Variants in AFF2 observed in about 807,000 individuals in gnomAD.
AFF2 encodes the protein AF4/FMR2 family member 2.
AFF2 carries 14 observed loss-of-function variants against 76.9 expected under a neutral mutation model. The observed-to-expected ratio is 0.18, with a 90% confidence interval of 0.12 to 0.28. The LOEUF is 0.28. AFF2 is among the 10% of genes least tolerant of loss of function. AFF2 has a pLI of 1.00. For synonymous variants in AFF2, 398 were observed against 366.7 expected (o/e 1.09, Z -0.98); for missense variants, 868 against 1,001.1 (o/e 0.87, Z 1.79).
At chrX:148,958,269 G>A (rs1179403908) in intron 11 of AFF2, 68 bp from the exon 12 acceptor site, 1 of 1,165,748 alleles carries the variant, frequency 8.6e-7, no homozygotes, top group Non-Finnish European at 1.2e-6. Context: ...CATTTTTAGT[G>A]TATAAAATAT....
At chrX:148,831,847 G>T (rs868922093) in intron 4 of AFF2, among the ~76,000 whole-genome samples, 1 of 111,458 alleles carries the variant, frequency 9.0e-6, no homozygotes, top group Middle Eastern at 4.6e-3. Flanking sequence ...GGATACAAAG[G>T]GTCTAAATCA....
intron 1 of AFF2, chrX:148,546,823 A>G (rs1557238222): frequency 1.8e-5 from 2 of 111,709 alleles, no homozygotes; most frequent in African/African-American, 6.5e-5. Flanking sequence ...TTTTTGTAGT[A>G]TTGGGTTTAG....
At chrX:148,799,613 T>C (rs1293015392) in intron 3 of AFF2, among the ~76,000 whole-genome samples, 2 of 112,369 alleles carry the variant, frequency 1.8e-5, no homozygotes, top group African/African-American at 3.2e-5. Flanking sequence ...TAATTGGTTT[T>C]ACAGTATTTG....
chrX:148,683,945 C>T (rs782746227), intron 3 of AFF2, among the ~76,000 whole-genome samples: 1 of 111,707 alleles, frequency 9.0e-6, no homozygotes, highest in Non-Finnish European at 1.9e-5. Context: ...CAGAAAGTTA[C>T]TTTCTGTGGA....
chrX:148,717,291 T>C (rs1557263445), intron 3 of AFF2, among the ~76,000 whole-genome samples: 1 of 112,090 alleles, frequency 8.9e-6, no homozygotes. Flanking sequence ...AACATTAGGC[T>C]AACTGAAAGA....
chrX:148,756,885 A>G (rs1304999007), intron 3 of AFF2, among the ~76,000 whole-genome samples: 1 of 112,426 alleles, frequency 8.9e-6, no homozygotes, highest in Non-Finnish European at 1.9e-5. Context: ...TCAAGTCATT[A>G]CATTTGACCT....
intron 3 of AFF2, among the ~76,000 whole-genome samples, chrX:148,785,286 T>G (rs1292103554): frequency 1.8e-5 from 2 of 112,146 alleles, no homozygotes; most frequent in African/African-American, 3.2e-5. Flanking sequence ...GAATCAAGTT[T>G]ATCTGTACCC....
At chrX:148,960,482 C>T (rs782697114) in intron 12 of AFF2, among the ~76,000 whole-genome samples, 9 of 112,210 alleles carry the variant, frequency 8.0e-5, no homozygotes, top group South Asian at 3.7e-4. Context: ...TAGCCTTTAT[C>T]GTTCAGAAAG....
chrX:148,917,596 G>C (rs1314868138), intron 9 of AFF2, among the ~76,000 whole-genome samples: 3 of 111,650 alleles, frequency 2.7e-5, no homozygotes, highest in Non-Finnish European at 5.6e-5. Flanking sequence ...ATACTCCACT[G>C]TCACAGGACT....
intron 9 of AFF2, among the ~76,000 whole-genome samples, chrX:148,927,028 G>GT (rs1174484510): frequency 8.9e-6 from 1 of 112,203 alleles, no homozygotes; most frequent in African/African-American, 3.2e-5. Flanking sequence ...TGTGTTTGAG[G>GT]TTTTTTATGA....
intron 3 of AFF2, among the ~76,000 whole-genome samples, chrX:148,799,244 C>G (rs782426006): frequency 2.7e-5 from 3 of 111,678 alleles, no homozygotes; most frequent in Non-Finnish European, 5.6e-5. Context: ...GTAACAAAGC[C>G]AGGTCACTTA....
chrX:148,850,704 C>A (rs895497806), intron 7 of AFF2, among the ~76,000 whole-genome samples: 1 of 112,682 alleles, frequency 8.9e-6, no homozygotes, highest in East Asian at 2.8e-4. Context: ...TTTTAACACA[C>A]TTTCACACAA....
At chrX:148,724,309 A>C (rs1463814217) in intron 3 of AFF2, among the ~76,000 whole-genome samples, 2 of 110,889 alleles carry the variant, frequency 1.8e-5, no homozygotes, top group African/African-American at 6.5e-5. Context: ...ACTCAGGTAC[A>C]TGTTTGGAGT....
At chrX:148,831,720 C>T (rs1460442555) in intron 4 of AFF2, among the ~76,000 whole-genome samples, 4 of 112,176 alleles carry the variant, frequency 3.6e-5, no homozygotes, top group African/African-American at 1.3e-4. Context: ...GAACCCTAGC[C>T]CCAGGGCAGC....
intron 7 of AFF2, among the ~76,000 whole-genome samples, chrX:148,873,175 T>C (rs1435190938): frequency 1.8e-5 from 2 of 111,274 alleles, no homozygotes; most frequent in Non-Finnish European, 3.8e-5. Context: ...GGTTTGGAAA[T>C]TCCAAAGTCA....
In AFF2 at chrX:148,956,375, C is replaced by T; in HGVS notation, c.2330C>T (p.Thr777Ile). The change falls in exon 11 of 21, where the codon ACA becomes ATA. Residue 777 changes from threonine to isoleucine, a missense_variant. This residue lies in a region of AFF2 where 532 missense variants were observed against 564.2 expected (regional missense o/e 0.94). Transcript: ENST00000370460. ...TTATCCATCAGTAATGAAGAGCCAACATTTTCACCTATTCCTGTCATGCAA... is the reference window on the plus strand; with the variant it reads ...TTATCCATCAGTAATGAAGAGCCAATATTTTCACCTATTCCTGTCATGCAA... Reference protein sequence around the residue: ...NNLSISNEEPTFSPIPVMQTE... With the variant: ...NNLSISNEEPIFSPIPVMQTE... 8.3e-7 allele frequency: 1 copy of T among 1,211,723 alleles called. No homozygotes were observed. Among genetic ancestry groups the T allele is most frequent in the Admixed American group, 2.2e-5 (1 of 46,054 alleles).
chrX:148,802,035 T>C (rs1361583093), intron 3 of AFF2, among the ~76,000 whole-genome samples: 1 of 112,359 alleles, frequency 8.9e-6, no homozygotes, highest in Non-Finnish European at 1.9e-5. Context: ...TTCTAGGCTA[T>C]TGTGACCCCA....
intron 20 of AFF2, among the ~76,000 whole-genome samples, chrX:148,990,923 T>C (rs2072526859): frequency 8.9e-6 from 1 of 112,376 alleles, no homozygotes; most frequent in African/African-American, 3.2e-5. Context: ...TGTGTAGAAA[T>C]ACCCTTTTCT....
At chrX:148,505,457 T>G (rs902112056) in intron 1 of AFF2, among the ~76,000 whole-genome samples, 20 of 112,146 alleles carry the variant, frequency 1.8e-4, no homozygotes, top group African/African-American at 4.5e-4. Context: ...AGTCCATCAT[T>G]ATAGACATGA....
Sources: allele counts gnomAD v4.1 joint callset (sites outside exome capture counted in the v4.1 genomes callset), GRCh38; gene constraint gnomAD v4.1.1; regional missense constraint gnomAD v4.1.1; transcripts MANE v1.5; gene names NCBI Gene and HGNC (gene_info 2026-07-23, HGNC 2026-07-21).